BABAM2: variants seen among roughly 807,000 people sequenced by gnomAD.
The protein encoded by BABAM2 is BRISC and BRCA1-A complex member 2.
BABAM2 carries 31 observed loss-of-function variants against 54.7 expected under a neutral mutation model. The ratio of observed to expected loss-of-function variants is 0.57; its 90% CI spans 0.43 to 0.77. BABAM2 has a LOEUF of 0.77. Among genes scored for constraint, BABAM2 ranks in the 30% least tolerant of loss-of-function variants. The pLI is 0.00. For synonymous variants in BABAM2, 167 were observed against 162.9 expected, an observed-to-expected ratio of 1.03 and a Z score of -0.19; for missense variants, 364 against 455.8, an observed-to-expected ratio of 0.80 and a Z score of 1.83.
chr2:28,298,527 G>A (rs1687873401), intron 11 of BABAM2, 36 bp downstream of exon 11: 2 of 1,613,232 alleles, frequency 1.2e-6, no homozygotes, highest in Non-Finnish European at 1.7e-6. Context: ...ACAGGTAAGA[G>A]CATTTTGTTT....
Position 28,244,239 on chromosome 2 carries a change from C to A in BABAM2, c.852-541C>A, listed in dbSNP as rs1053292167. On this transcript the variant is annotated intron_variant, in intron 9 of 11. Coordinates refer to ENST00000379624, the MANE Select transcript of BABAM2 (RefSeq NM_199191.3). ...CAGTTGTCTGGTGTGATTGCCCTAA[C>A]CCAGCTCAAGAAGAAAAGTAATATA... Among the ~76,000 whole-genome samples, 37 of 152,084 alleles carry A rather than the reference C, an allele frequency of 2.4e-4. 1 individual carries two copies. The highest frequency in any genetic ancestry group is 8.5e-4 in the African/African-American group (35 of 41,408).
chr2:28,247,111 C>T (rs1453273886), intron 10 of BABAM2, among the ~76,000 whole-genome samples: 2 of 152,194 alleles, frequency 1.3e-5, no homozygotes, highest in Non-Finnish European at 2.9e-5. Context: ...ATTAGAACAG[C>T]TACCCGGGAC....
chr2:28,192,317 A>G (rs371082008), intron 7 of BABAM2, among the ~76,000 whole-genome samples: 2 of 152,144 alleles, frequency 1.3e-5, no homozygotes, highest in East Asian at 3.9e-4. Flanking sequence ...TACAGGCGTG[A>G]GCCACTGCGC....
intron 2 of BABAM2, among the ~76,000 whole-genome samples, chr2:27,895,926 A>G (rs1558568182): frequency 6.6e-6 from 1 of 152,168 alleles, no homozygotes; most frequent in African/African-American, 2.4e-5. Context: ...TAAATTAAAT[A>G]TTATTATCAT....
intron 6 of BABAM2, among the ~76,000 whole-genome samples, chr2:28,070,019 G>A (rs1259148150): frequency 6.6e-6 from 1 of 152,120 alleles, no homozygotes; most frequent in Non-Finnish European, 1.5e-5. Flanking sequence ...GGGACTACAG[G>A]CACATGCCAC....
chr2:28,223,353 T>A (rs1680583480), intron 7 of BABAM2, among the ~76,000 whole-genome samples: 1 of 152,230 alleles, frequency 6.6e-6, no homozygotes, highest in African/African-American at 2.4e-5. Context: ...GTCTGTGTCC[T>A]GCTCCCCATG....
chr2:27,917,811 GATAAA>G lies in BABAM2; in HGVS notation c.129-12018_129-12014del, dbSNP rs373297212. ...AAATATAAGCTAAAAATGATATAAA[GATAAA>G]ATTAACAACACTGTAAAAATAATTT... On this transcript the variant is annotated intron_variant, in intron 2 of 11. Coordinates refer to ENST00000379624, the MANE Select transcript of BABAM2 (RefSeq NM_199191.3). Among the ~76,000 whole-genome samples the G allele has an allele frequency of 1.6e-4, 24 of 151,966 alleles. No individual in the cohort carries two copies. In the South Asian group the frequency reaches 5.0e-3, roughly 32 times the overall value.
intron 4 of BABAM2, among the ~76,000 whole-genome samples, chr2:28,009,607 A>T (rs1573382990): frequency 6.6e-6 from 1 of 152,196 alleles, no homozygotes; most frequent in African/African-American, 2.4e-5. Flanking sequence ...GGATGGTACC[A>T]TTTGAAACAG....
intron 4 of BABAM2, among the ~76,000 whole-genome samples, chr2:28,003,094 A>G (rs1673694828): frequency 1.3e-5 from 2 of 152,230 alleles, no homozygotes; most frequent in African/African-American, 4.8e-5. Flanking sequence ...TCATGTAGGC[A>G]AATACTAGAA....
At chr2:28,241,299 C>G in intron 8 of BABAM2, 24 bp from the exon 9 acceptor site, 1 of 1,605,302 alleles carries the variant, frequency 6.2e-7, no homozygotes, top group Non-Finnish European at 8.5e-7. Flanking sequence ...CACTCTACTT[C>G]TCAGCTTTGG....
chr2:28,054,684 T>C (rs1678258994), intron 6 of BABAM2, among the ~76,000 whole-genome samples: 1 of 152,206 alleles, frequency 6.6e-6, no homozygotes, highest in Non-Finnish European at 1.5e-5. Context: ...CAGTTGCTGC[T>C]ACCTTGATCA....
At chr2:28,093,915 T>C (rs1558328908) in intron 6 of BABAM2, among the ~76,000 whole-genome samples, 1 of 152,212 alleles carries the variant, frequency 6.6e-6, no homozygotes, top group South Asian at 2.1e-4. Flanking sequence ...TGCTGACAGA[T>C]TGGGAGTACA....
At chr2:28,127,411 C>T (rs1017220459) in intron 6 of BABAM2, among the ~76,000 whole-genome samples, 2 of 151,862 alleles carry the variant, frequency 1.3e-5, no homozygotes, top group African/African-American at 4.8e-5. Context: ...CTTGTGGGGT[C>T]AGTAGTAGGC....
intron 2 of BABAM2, among the ~76,000 whole-genome samples, chr2:27,909,884 A>G (rs1666454314): frequency 6.6e-6 from 1 of 152,246 alleles, no homozygotes. Flanking sequence ...CTATATTGGC[A>G]GGAAGGACAG....
At chr2:28,295,417 T>C (rs1687601370) in intron 10 of BABAM2, among the ~76,000 whole-genome samples, 1 of 152,204 alleles carries the variant, frequency 6.6e-6, no homozygotes. Flanking sequence ...TAATGATTGC[T>C]TTGGAGGTTA....
In BABAM2 at chr2:28,036,999, CAATGAATG is replaced by C. The variant is rs1223244248; in HGVS notation, c.496-8714_496-8707del. On this transcript the variant is annotated intron_variant, in intron 5 of 11. Coordinates refer to ENST00000379624, the MANE Select transcript of BABAM2 (RefSeq NM_199191.3). The stretch of plus-strand genomic sequence containing the variant: ...AGTATGTGCTCAGTAAATATTTGTT[CAATGAATG>C]AATGAATGAATAATGCATGAATTGT... Among the ~76,000 whole-genome samples, 4 of 152,206 alleles carry C rather than the reference CAATGAATG, an allele frequency of 2.6e-5. No homozygotes were observed. The South Asian group carries it at 8.3e-4, about 32-fold the overall frequency.
intron 5 of BABAM2, among the ~76,000 whole-genome samples, chr2:28,042,710 A>G (rs1677199234): frequency 6.6e-6 from 1 of 152,208 alleles, no homozygotes; most frequent in South Asian, 2.1e-4. Context: ...TATTTTTTAA[A>G]GTAAAACAGA....
intron 4 of BABAM2, among the ~76,000 whole-genome samples, chr2:27,999,804 A>G (rs898681894): frequency 7.9e-5 from 12 of 152,210 alleles, no homozygotes; most frequent in Non-Finnish European, 1.6e-4. Flanking sequence ...GACTTTTATT[A>G]TACATTTAAA....
intron 10 of BABAM2, among the ~76,000 whole-genome samples, chr2:28,281,913 G>A (rs1426188645): frequency 6.6e-6 from 1 of 152,206 alleles, no homozygotes; most frequent in Non-Finnish European, 1.5e-5. Context: ...TGGAGCAGAG[G>A]TGAGCAGTCA....
Sources: gnomAD v4.1 joint callset for allele counts (sites outside exome capture counted in the v4.1 genomes callset) on GRCh38, gnomAD v4.1.1 for gene constraint, MANE v1.5 for transcripts, NCBI Gene and HGNC (gene_info 2026-07-23, HGNC 2026-07-21) for gene names.